The following CADM2 variants were observed in gnomAD, a reference collection of about 807,000 sequenced individuals.
CADM2 encodes the protein immunoglobulin superfamily member 4D.
A neutral mutation model predicts 49.8 loss-of-function variants in CADM2; 12 were observed. The ratio of observed to expected loss-of-function variants is 0.24; its 90% CI spans 0.15 to 0.39. The LOEUF (loss-of-function observed/expected upper bound fraction) is 0.39. Among genes scored for constraint, CADM2 ranks in the 10% least tolerant of loss-of-function variants. The pLI is 1.00. For synonymous variants in CADM2, 214 were observed against 175.4 expected, an observed-to-expected ratio of 1.22 and a Z score of -1.74; for missense variants, 378 against 492.3, an observed-to-expected ratio of 0.77 and a Z score of 2.20.
At chr3:85,541,203 G>A (rs2061530236) in intron 1 of CADM2, among the ~76,000 whole-genome samples, 1 of 149,934 alleles carries the variant, frequency 6.7e-6, no homozygotes. Context: ...AGCCAATTTG[G>A]CACATATATA....
At chr3:85,592,869 G>T (rs577553443) in intron 1 of CADM2, among the ~76,000 whole-genome samples, 1 of 151,660 alleles carries the variant, frequency 6.6e-6, no homozygotes, top group African/African-American at 2.4e-5. Context: ...CCCAACCTCC[G>T]ACAGGCCCCA....
intron 3 of CADM2, among the ~76,000 whole-genome samples, chr3:85,875,354 A>G (rs1331470602): frequency 6.6e-6 from 1 of 152,194 alleles, no homozygotes. Flanking sequence ...GATAATAAGA[A>G]TAAGAGTCTT....
intron 1 of CADM2, among the ~76,000 whole-genome samples, chr3:85,515,902 A>G (rs954848403): frequency 5.9e-5 from 9 of 152,156 alleles, no homozygotes; most frequent in African/African-American, 2.2e-4. Flanking sequence ...TTCTAAAATT[A>G]AATAAGGCAA....
intron 1 of CADM2, among the ~76,000 whole-genome samples, chr3:84,992,973 T>C (rs2032976001): frequency 6.6e-6 from 1 of 152,156 alleles, no homozygotes; most frequent in African/African-American, 2.4e-5. Flanking sequence ...ATGTTGAAGG[T>C]TGTCAACCCA....
At chr3:85,932,978 C>CAT (rs1216901538) in intron 6 of CADM2, among the ~76,000 whole-genome samples, 2 of 152,120 alleles carry the variant, frequency 1.3e-5, no homozygotes, top group East Asian at 3.9e-4. Flanking sequence ...AATGCTGAAT[C>CAT]ATACTTCAAG....
intron 3 of CADM2, among the ~76,000 whole-genome samples, chr3:85,849,426 A>T (rs2075005721): frequency 6.6e-6 from 1 of 152,166 alleles, no homozygotes; most frequent in African/African-American, 2.4e-5. Flanking sequence ...AATTACTCTA[A>T]ATAAAAACCA....
rs1046169413 is a variant in CADM2, at chr3:85,153,777, G to A, written c.61+194109G>A. ...AGACTGCCTCCTCAAGTGGGTCCCT[G>A]ACCCCTGACCCCCGAGCTGCCTAAC... On this transcript the variant is annotated intron_variant, in intron 1 of 9. Coordinates refer to ENST00000383699, the MANE Select transcript of CADM2 (RefSeq NM_001167675.2). 1.1e-4 allele frequency among the ~76,000 whole-genome samples: 16 copies of A among 152,240 alleles called. No individual in the cohort carries two copies. The South Asian group carries it at 1.9e-3, about 18-fold the overall frequency.
chr3:85,832,823 T>A (rs967793627), intron 3 of CADM2, among the ~76,000 whole-genome samples: 1 of 151,846 alleles, frequency 6.6e-6, no homozygotes, highest in Admixed American at 6.6e-5. Flanking sequence ...GTGCTCCGGC[T>A]AGGAATTTCA....
chr3:85,833,409 TA>T, intron 3 of CADM2, among the ~76,000 whole-genome samples: 1 of 151,748 alleles, frequency 6.6e-6, no homozygotes, highest in Non-Finnish European at 1.5e-5. Flanking sequence ...GTAGGATTGG[TA>T]ACAGTTCTTC....
At chr3:85,943,976 G>T (rs768575807) in intron 7 of CADM2, among the ~76,000 whole-genome samples, 1 of 151,900 alleles carries the variant, frequency 6.6e-6, no homozygotes, top group African/African-American at 2.4e-5. Flanking sequence ...ACACACACTG[G>T]CAAATTGGAT....
intron 1 of CADM2, among the ~76,000 whole-genome samples, chr3:85,517,819 T>C (rs2060939869): frequency 6.6e-6 from 1 of 152,214 alleles, no homozygotes. Context: ...AAATATAATT[T>C]CTTACTTATT....
intron 1 of CADM2, among the ~76,000 whole-genome samples, chr3:85,635,989 C>G (rs1233665813): frequency 6.6e-6 from 1 of 152,064 alleles, no homozygotes; most frequent in Non-Finnish European, 1.5e-5. Context: ...ACTGTGCTGC[C>G]AGTTGTTTAA....
chr3:85,220,700 A>G (rs2042024638), intron 1 of CADM2, among the ~76,000 whole-genome samples: 1 of 152,128 alleles, frequency 6.6e-6, no homozygotes, highest in Admixed American at 6.6e-5. Context: ...ATAGTGGGGC[A>G]CACCCTTGTG....
intron 3 of CADM2, among the ~76,000 whole-genome samples, chr3:85,845,228 A>G (rs2074827153): frequency 6.6e-6 from 1 of 151,818 alleles, no homozygotes; most frequent in Non-Finnish European, 1.5e-5. Context: ...ATGTCCAAGC[A>G]GTTTATTCTG....
At chr3:85,981,456 A>G (rs1040499022) in intron 8 of CADM2, among the ~76,000 whole-genome samples, 1 of 151,504 alleles carries the variant, frequency 6.6e-6, no homozygotes, top group Non-Finnish European at 1.5e-5. Context: ...TTTGTCTCCC[A>G]GGTAGTAAGC....
At chr3:85,269,827 CT>C (rs1160529855) in intron 1 of CADM2, among the ~76,000 whole-genome samples, 5 of 151,152 alleles carry the variant, frequency 3.3e-5, no homozygotes, top group Admixed American at 6.6e-5. Context: ...TTTTTGAAAC[CT>C]TTTCAGTTTA....
At chr3:85,389,278 G>A (rs919894709) in intron 1 of CADM2, among the ~76,000 whole-genome samples, 4 of 152,068 alleles carry the variant, frequency 2.6e-5, no homozygotes, top group African/African-American at 7.2e-5. Context: ...GAGTATAATT[G>A]TACCAAAAAT....
chr3:85,363,758 C>A (rs1329530593), intron 1 of CADM2, among the ~76,000 whole-genome samples: 1 of 152,046 alleles, frequency 6.6e-6, no homozygotes, highest in Non-Finnish European at 1.5e-5. Flanking sequence ...ACTACAGGCG[C>A]CCGCCACCGC....
chr3:85,438,602 T>A (rs2037042096), intron 1 of CADM2, among the ~76,000 whole-genome samples: 1 of 152,128 alleles, frequency 6.6e-6, no homozygotes, highest in South Asian at 2.1e-4. Flanking sequence ...TGTTTTATTT[T>A]TATATGGGCA....
Sources: allele counts gnomAD v4.1 joint callset (sites outside exome capture counted in the v4.1 genomes callset), GRCh38; gene constraint gnomAD v4.1.1; transcripts MANE v1.5; gene names NCBI Gene and HGNC (gene_info 2026-07-23, HGNC 2026-07-21).